The following PDE5A variants were observed in gnomAD, a reference collection of about 807,000 sequenced individuals.
PDE5A encodes the protein phosphodiesterase 5A.
Under a neutral mutation model 110.2 loss-of-function variants are expected in PDE5A, and 67 were observed. The ratio of observed to expected loss-of-function variants is 0.61; its 90% CI spans 0.50 to 0.75. PDE5A has a LOEUF of 0.75. Ranked by LOEUF, PDE5A falls within the 30% of genes least tolerant of loss-of-function variation. PDE5A has a pLI of 0.00. For synonymous variants in PDE5A, 328 were observed against 351.2 expected (o/e 0.93, Z 0.74); for missense variants, 862 against 1,045.1 (o/e 0.82, Z 2.42).
Position 119,536,103 on chromosome 4 carries a change from A to G in PDE5A, c.1632+2857T>C, listed in dbSNP as rs1040487674. On this transcript the variant is annotated intron_variant, in intron 11 of 20. Coordinates refer to ENST00000354960, the MANE Select transcript of PDE5A (RefSeq NM_001083.4). ...TTCTCAATGCAGCTGCCAGAAATCTATTTTCTAAATGCAACAACAGCTGGT... is the reference window on the plus strand; with the variant it reads ...TTCTCAATGCAGCTGCCAGAAATCTGTTTTCTAAATGCAACAACAGCTGGT... Among the ~76,000 whole-genome samples the G allele has an allele frequency of 4.6e-5, 7 of 152,140 alleles. No individual in the cohort carries two copies. The East Asian group carries it at 1.2e-3, about 25-fold the overall frequency.
intron 1 of PDE5A, among the ~76,000 whole-genome samples, chr4:119,621,200 G>A (rs1209803864): frequency 1.3e-5 from 2 of 152,200 alleles, no homozygotes; most frequent in Non-Finnish European, 2.9e-5. Flanking sequence ...GTCAACACTA[G>A]TTATGGTAGA....
chr4:119,574,831 T>C (rs532792057), intron 3 of PDE5A, among the ~76,000 whole-genome samples: 8 of 152,306 alleles, frequency 5.3e-5, no homozygotes, highest in African/African-American at 1.7e-4. Flanking sequence ...GCAAAACTAA[T>C]TTGTGGTTAT....
intron 9 of PDE5A, among the ~76,000 whole-genome samples, chr4:119,546,532 T>G (rs952075972): frequency 2.6e-5 from 4 of 152,076 alleles, no homozygotes; most frequent in Non-Finnish European, 5.9e-5. Context: ...AATTTCTGAA[T>G]TAAATCTAAA....
intron 9 of PDE5A, among the ~76,000 whole-genome samples, chr4:119,547,106 G>GTTTT (rs35182804): frequency 7.4e-6 from 1 of 134,310 alleles, no homozygotes; most frequent in East Asian, 2.1e-4. Flanking sequence ...TTGGGCAATA[G>GTTTT]TTTTTTTTTT....
chr4:119,502,877 T>G (rs1725410542), intron 18 of PDE5A, among the ~76,000 whole-genome samples: 1 of 152,110 alleles, frequency 6.6e-6, no homozygotes, highest in African/African-American at 2.4e-5. Context: ...CTTTGGTAGC[T>G]TCCAACATTT....
Position 119,539,072 on chromosome 4 carries a change from A to G in PDE5A, c.1573-53T>C. The G allele has an allele frequency of 2.3e-6, 3 of 1,302,816 alleles. No homozygotes were observed. The South Asian group carries it at 3.5e-5, about 15-fold the overall frequency. 80.7% of individuals were successfully genotyped at this position (1,302,816 alleles called of 1,614,324 possible). On this transcript the variant is annotated intron_variant, in intron 10 of 20. Transcript: ENST00000354960. ...TACACAGGAGAGAACTACCACATGT[A>G]GACTAGAACTTCAAGCTTGGAATTC...
chr4:119,550,058 AT>A (rs1177001647), intron 9 of PDE5A: 13 of 152,168 alleles, frequency 8.5e-5, no homozygotes. Flanking sequence ...CAACCATGAC[AT>A]TTTCCATGCT....
In PDE5A at chr4:119,565,942, TATTA is replaced by T. The variant is rs1033340381; in HGVS notation, c.904-536_904-533del. Among the ~76,000 whole-genome samples, 405 of 142,392 alleles carry T rather than the reference TATTA, an allele frequency of 2.8e-3. 1 individual carries two copies. Among genetic ancestry groups the T allele is most frequent in the Non-Finnish European group, 3.9e-3 (255 of 64,734 alleles). 93.4% of individuals were successfully genotyped at this position (142,392 alleles called of 152,430 possible). A position where few individuals can be genotyped will look rare whatever the true frequency, so the allele number is the denominator to read the frequency against. On this transcript the variant is annotated intron_variant, in intron 4 of 20. Transcript: ENST00000354960. ...CTAATTATATTAATTATTGATTGAC[TATTA>T]ATTATTATTAATTAATATTATTATA...
chr4:119,564,257 C>G (rs1578780161), intron 5 of PDE5A, among the ~76,000 whole-genome samples: 1 of 151,960 alleles, frequency 6.6e-6, no homozygotes, highest in East Asian at 1.9e-4. Context: ...CTTCTAAATT[C>G]TGAGAAACTG....
intron 14 of PDE5A, among the ~76,000 whole-genome samples, chr4:119,517,717 G>A (rs1287358649): frequency 1.3e-5 from 2 of 151,208 alleles, no homozygotes; most frequent in Non-Finnish European, 2.9e-5. Flanking sequence ...CTAAAGCAGG[G>A]CAATATAGCA....
At chr4:119,574,470 C>A (rs371296789) in intron 3 of PDE5A, among the ~76,000 whole-genome samples, 2 of 151,942 alleles carry the variant, frequency 1.3e-5, no homozygotes, top group African/African-American at 4.8e-5. Flanking sequence ...TGTGGGCCAC[C>A]GCGCCTGGCC....
intron 3 of PDE5A, 110 bp downstream of exon 3, chr4:119,596,413 C>A: frequency 2.0e-6 from 1 of 494,310 alleles, no homozygotes; most frequent in Non-Finnish European, 3.5e-6. Flanking sequence ...AACTTTATAG[C>A]TAATTTGTCA....
At chr4:119,583,489 C>T (rs1728658861) in intron 3 of PDE5A, among the ~76,000 whole-genome samples, 1 of 152,186 alleles carries the variant, frequency 6.6e-6, no homozygotes, top group Non-Finnish European at 1.5e-5. Context: ...TGGAGTGGCA[C>T]TTACAGTCTC....
chr4:119,586,161 T>C (rs1006254366), intron 3 of PDE5A, among the ~76,000 whole-genome samples: 1 of 152,254 alleles, frequency 6.6e-6, no homozygotes, highest in African/African-American at 2.4e-5. Flanking sequence ...GTACTCATGA[T>C]TATCAAATAA....
intron 1 of PDE5A, among the ~76,000 whole-genome samples, chr4:119,625,875 T>C (rs1203756861): frequency 1.3e-5 from 2 of 152,186 alleles, no homozygotes; most frequent in Non-Finnish European, 2.9e-5. Flanking sequence ...CTCCTGTTAA[T>C]GCCACCAAAT....
intron 11 of PDE5A, among the ~76,000 whole-genome samples, chr4:119,535,349 C>G (rs1310453688): frequency 6.6e-6 from 1 of 152,072 alleles, no homozygotes; most frequent in Non-Finnish European, 1.5e-5. Flanking sequence ...TGCCTTCAGC[C>G]AAATCCTTTT....
At chr4:119,540,048 G>A (rs537248202) in intron 10 of PDE5A, among the ~76,000 whole-genome samples, 1 of 151,986 alleles carries the variant, frequency 6.6e-6, no homozygotes, top group Non-Finnish European at 1.5e-5. Context: ...AACTGCAATG[G>A]GATTTTTTTT....
At chr4:119,542,677 T>G in intron 9 of PDE5A, 43 bp from the exon 10 acceptor site, 1 of 1,572,022 alleles carries the variant, frequency 6.4e-7, no homozygotes, top group Non-Finnish European at 8.7e-7. Context: ...TTGTTGATTA[T>G]CATAGTTTTT....
At chr4:119,501,458 C>T (rs1208393762) in intron 19 of PDE5A, among the ~76,000 whole-genome samples, 1 of 152,086 alleles carries the variant, frequency 6.6e-6, no homozygotes, top group Non-Finnish European at 1.5e-5. Flanking sequence ...CAGTACCACG[C>T]CTGGCTGATT....
Sources: gnomAD v4.1 joint callset for allele counts (sites outside exome capture counted in the v4.1 genomes callset) on GRCh38, gnomAD v4.1.1 for gene constraint, MANE v1.5 for transcripts, NCBI Gene and HGNC (gene_info 2026-07-23, HGNC 2026-07-21) for gene names.